Variants in TRHDE observed in about 807,000 individuals in gnomAD.
TRHDE encodes thyrotropin releasing hormone degrading enzyme.
A neutral mutation model predicts 125.7 loss-of-function variants in TRHDE; 72 were observed. The observed-to-expected ratio is 0.57, with a 90% CI of 0.47 to 0.70. TRHDE has a LOEUF of 0.70. TRHDE is among the 30% of genes least tolerant of loss of function. The probability of loss-of-function intolerance (pLI) is 0.00; values close to 1 mark genes in which losing one functional copy is unlikely to be tolerated. For missense variants in TRHDE, 1,110 were observed against 1,327.1 expected (o/e 0.84, Z 2.54); for synonymous variants, 509 against 509.1 (o/e 1.00, Z 0.00).
intron 10 of TRHDE, among the ~76,000 whole-genome samples, chr12:72,568,932 T>C (rs1280972248): frequency 6.6e-6 from 1 of 152,188 alleles, no homozygotes; most frequent in Non-Finnish European, 1.5e-5. Context: ...ATTGTATTTC[T>C]TTATAACTCC....
intron 9 of TRHDE, among the ~76,000 whole-genome samples, chr12:72,565,089 T>C (rs1413327563): frequency 6.6e-6 from 1 of 152,214 alleles, no homozygotes; most frequent in Non-Finnish European, 1.5e-5. Context: ...TGAAAATTTA[T>C]TATTACAATT....
chr12:72,468,769 C>T (rs896125951), intron 3 of TRHDE, among the ~76,000 whole-genome samples: 4 of 152,228 alleles, frequency 2.6e-5, no homozygotes, highest in African/African-American at 9.6e-5. Context: ...GCCGCCACTG[C>T]CTGTTGCTGG....
intron 2 of TRHDE, among the ~76,000 whole-genome samples, chr12:72,184,890 C>T (rs1820232726): frequency 6.6e-6 from 1 of 152,182 alleles, no homozygotes; most frequent in African/African-American, 2.4e-5. Flanking sequence ...GTCCTCAGAG[C>T]CCTCGCTTGC....
chr12:72,178,348 G>A (rs1004981423), intron 2 of TRHDE, among the ~76,000 whole-genome samples: 1 of 152,016 alleles, frequency 6.6e-6, no homozygotes, highest in African/African-American at 2.4e-5. Context: ...TAACAGCATC[G>A]ATGATGTCAA....
rs117430270 is a variant in TRHDE at position 72,660,738 on chromosome 12, C to T, written c.3067-2314C>T. 2.2e-4 allele frequency among the ~76,000 whole-genome samples: 33 copies of T among 152,238 alleles called. No individual in the cohort carries two copies. In the East Asian group the frequency reaches 6.4e-3, roughly 29 times the overall value. ...AACTATTCTTTATTCTAACTATTTTCTTTATTACACTGCTACAGTTTGTGC... is the reference window on the plus strand; with the variant it reads ...AACTATTCTTTATTCTAACTATTTTTTTTATTACACTGCTACAGTTTGTGC... On this transcript the variant is annotated intron_variant, in intron 18 of 18. Transcript: ENST00000261180.
At chr12:72,260,087 G>A (rs1053356039) in intron 2 of TRHDE, among the ~76,000 whole-genome samples, 2 of 152,088 alleles carry the variant, frequency 1.3e-5, no homozygotes, top group African/African-American at 4.8e-5. Flanking sequence ...TGTATAGGAA[G>A]GGATCCACAA....
chr12:72,601,460 T>C (rs1462373208), intron 12 of TRHDE, among the ~76,000 whole-genome samples: 1 of 152,138 alleles, frequency 6.6e-6, no homozygotes, highest in Non-Finnish European at 1.5e-5. Context: ...TGCTATTACA[T>C]AAAACTTGCT....
chr12:72,643,529 T>C (rs773578506), intron 15 of TRHDE, among the ~76,000 whole-genome samples: 22 of 152,166 alleles, frequency 1.4e-4, no homozygotes, highest in Non-Finnish European at 2.8e-4. Flanking sequence ...AGAGACCTTC[T>C]TTGCCCTGTA....
chr12:72,236,104 T>G (rs1878333434), intron 2 of TRHDE, among the ~76,000 whole-genome samples: 1 of 152,182 alleles, frequency 6.6e-6, no homozygotes, highest in Non-Finnish European at 1.5e-5. Context: ...TTACTGACCA[T>G]AACTAGTTAA....
chr12:72,640,056 T>C (rs1873975643), intron 15 of TRHDE, among the ~76,000 whole-genome samples: 4 of 152,318 alleles, frequency 2.6e-5, no homozygotes, highest in Admixed American at 2.6e-4. Flanking sequence ...CCTGCTGCTT[T>C]GTTTACCTAA....
At chr12:72,275,338 T>C (rs752932023) in intron 1 of TRHDE, among the ~76,000 whole-genome samples, 10 of 152,242 alleles carry the variant, frequency 6.6e-5, no homozygotes, top group Non-Finnish European at 1.5e-4. Flanking sequence ...AAATGCCCAA[T>C]GCTTTAGTAG....
intron 15 of TRHDE, among the ~76,000 whole-genome samples, chr12:72,642,183 T>C (rs980601462): frequency 6.6e-6 from 1 of 152,216 alleles, no homozygotes; most frequent in Non-Finnish European, 1.5e-5. Context: ...CAGTATATGG[T>C]ACTTTGTCAT....
chr12:72,562,031 A>G (rs1317042263), intron 7 of TRHDE, 134 bp from the exon 8 acceptor site: 1 of 494,700 alleles, frequency 2.0e-6, no homozygotes, highest in East Asian at 3.4e-5. Flanking sequence ...TTTTTAAATG[A>G]GATTATTTAT....
intron 1 of TRHDE, among the ~76,000 whole-genome samples, chr12:72,274,346 C>A (rs548517244): frequency 6.6e-6 from 1 of 152,306 alleles, no homozygotes; most frequent in African/African-American, 2.4e-5. Context: ...TTGTTAGTGT[C>A]TTTGCCGCGT....
At chr12:72,208,090 C>T (rs1322281168) in intron 2 of TRHDE, among the ~76,000 whole-genome samples, 1 of 152,142 alleles carries the variant, frequency 6.6e-6, no homozygotes, top group Non-Finnish European at 1.5e-5. Flanking sequence ...ATCGTTAAGT[C>T]TCATGGAGTT....
Position 72,273,597 on chromosome 12 carries a change from C to A in TRHDE, c.914+40C>A. The A allele has an allele frequency of 6.5e-7, 1 of 1,533,156 alleles. No individual in the cohort carries two copies. The highest frequency in any genetic ancestry group is 8.8e-7 in the Non-Finnish European group (1 of 1,138,650). 95.0% of individuals were successfully genotyped at this position (1,533,156 alleles called of 1,614,324 possible). ...GGTGCCCCGCGCTGCCCCACCCCGG[C>A]GCGCGGCTCGAACCTCTGGGCGGCC... On this transcript the variant is annotated intron_variant, in intron 1 of 18. Transcript: ENST00000261180. This position sits in a 1 kb window ranked among gnomAD's most constrained non-coding sequence, Gnocchi z 5.3.
chr12:72,627,607 T>C lies in TRHDE; in HGVS notation c.2675+5856T>C, dbSNP rs146280668. On this transcript the variant is annotated intron_variant, in intron 15 of 18. Coordinates refer to ENST00000261180, the MANE Select transcript of TRHDE (RefSeq NM_013381.3). ...AATATTTAATATGCTCCATCCCTCATTGTGGACAGTTGCAATATTGTAGGA... is the reference window on the plus strand; with the variant it reads ...AATATTTAATATGCTCCATCCCTCACTGTGGACAGTTGCAATATTGTAGGA... Among the ~76,000 whole-genome samples the C allele has an allele frequency of 9.2e-5, 14 of 152,034 alleles. No individual in the cohort carries two copies. The East Asian group carries it at 2.7e-3, about 29-fold the overall frequency.
chr12:72,326,359 T>C (rs1869340073), intron 2 of TRHDE, among the ~76,000 whole-genome samples: 1 of 151,986 alleles, frequency 6.6e-6, no homozygotes, highest in Non-Finnish European at 1.5e-5. Context: ...TGAGAACAGA[T>C]GGACACAGGG....
intron 2 of TRHDE, among the ~76,000 whole-genome samples, chr12:72,371,943 T>C (rs1353376290): frequency 1.3e-5 from 2 of 152,168 alleles, no homozygotes; most frequent in African/African-American, 4.8e-5. Context: ...TATTTCTAGT[T>C]CTAGATACCT....
Sources: allele counts gnomAD v4.1 joint callset (sites outside exome capture counted in the v4.1 genomes callset), GRCh38; gene constraint gnomAD v4.1.1; non-coding constraint Gnocchi (gnomAD v3.1); transcripts MANE v1.5; gene names NCBI Gene and HGNC (gene_info 2026-07-23, HGNC 2026-07-21).